Variants in ARHGEF11 observed in about 807,000 individuals in gnomAD.
ARHGEF11 encodes Rho guanine nucleotide exchange factor 11.
Under a neutral mutation model 193.7 loss-of-function variants are expected in ARHGEF11, and 55 were observed. That is an observed-to-expected ratio of 0.28 (90% confidence interval 0.23 to 0.36). The LOEUF is 0.36. Among genes scored for constraint, ARHGEF11 ranks in the 10% least tolerant of loss-of-function variants. The pLI is 1.00. For synonymous variants in ARHGEF11, 693 were observed against 768.0 expected (o/e 0.90, Z 1.62); for missense variants, 1,723 against 2,005.6 (o/e 0.86, Z 2.69).
Position 156,957,887 on chromosome 1 carries a change from G to A in ARHGEF11, c.1503-72C>T, listed in dbSNP as rs766639709. 2.7e-6 allele frequency: 4 copies of A among 1,508,620 alleles called. No individual in the cohort carries two copies. In the Admixed American group the frequency reaches 5.0e-5, roughly 19 times the overall value. 93.5% of individuals were successfully genotyped at this position (1,508,620 alleles called of 1,614,324 possible). On this transcript the variant is annotated intron_variant, in intron 17 of 40. Coordinates refer to ENST00000368194, the MANE Select transcript of ARHGEF11 (RefSeq NM_198236.3). ...CTGGTCACCTGGTTAGAGGCTAGGA[G>A]GAGGGTAAGTTTTTCCTAGATGAAA...
At chr1:156,945,387 G>C (rs929357199) in intron 29 of ARHGEF11, 190 bp from the exon 30 acceptor site, 1 of 597,648 alleles carries the variant, frequency 1.7e-6, no homozygotes, top group Non-Finnish European at 2.9e-6. Flanking sequence ...AGCATCTTCA[G>C]GTCTCAGACA....
At chr1:157,038,718 A>G (rs146632175) in intron 1 of ARHGEF11, among the ~76,000 whole-genome samples, 1,943 of 152,274 alleles carry the variant, frequency 0.013, 38 homozygotes, top group African/African-American at 0.044. Flanking sequence ...AAATTGGGGT[A>G]TTCTTCCAGA....
chr1:157,037,024 A>G (rs1033207472), intron 1 of ARHGEF11, among the ~76,000 whole-genome samples: 4 of 152,138 alleles, frequency 2.6e-5, no homozygotes, highest in Non-Finnish European at 4.4e-5. Flanking sequence ...GCTACTCAGG[A>G]GGCTGAGGCA....
At chr1:156,971,164 G>A (rs1266671678) in intron 8 of ARHGEF11, among the ~76,000 whole-genome samples, 1 of 152,224 alleles carries the variant, frequency 6.6e-6, no homozygotes, top group Non-Finnish European at 1.5e-5. Flanking sequence ...GAAGAGAATA[G>A]ATAAAGAATC....
Position 156,959,065 on chromosome 1 carries a change from C to T in ARHGEF11, c.1360G>A (p.Glu454Lys), listed in dbSNP as rs1362978048. 1 of 1,614,106 alleles carries T rather than the reference C, an allele frequency of 6.2e-7. No individual in the cohort carries two copies. Among genetic ancestry groups the T allele is most frequent in the African/African-American group, 1.3e-5 (1 of 74,934 alleles). ...AQEAAMPEIQ[E>K]QIHDYRTKRT... ...GCCAACCTGTAGTCGTGGATCTGCT[C>T]TTGGATCTCAGGCATGGCTGCCTCT... is the stretch of plus-strand genomic sequence containing the variant. Residue 454 changes from glutamate (E) to lysine (K), a missense_variant, in exon 16 of 41, where the codon GAG becomes AAG. Around this residue, in one of 5 missense-constraint regions of ARHGEF11, gnomAD observed 646 missense variants for 710.7 expected, o/e 0.91. Coordinates refer to ENST00000368194, the MANE Select transcript of ARHGEF11 (RefSeq NM_198236.3).
At chr1:156,967,345 C>T (rs538860856) in intron 11 of ARHGEF11, among the ~76,000 whole-genome samples, 4 of 152,324 alleles carry the variant, frequency 2.6e-5, no homozygotes, top group African/African-American at 9.6e-5. Context: ...TGAAAAACAA[C>T]AGGCAATTCT....
chr1:156,982,157 T>C (rs1664273150), intron 3 of ARHGEF11, among the ~76,000 whole-genome samples: 1 of 152,084 alleles, frequency 6.6e-6, no homozygotes, highest in Non-Finnish European at 1.5e-5. Flanking sequence ...TGCCTGAATG[T>C]ATGAAACACG....
chr1:157,015,293 T>G (rs1669073669), intron 1 of ARHGEF11, among the ~76,000 whole-genome samples: 1 of 152,186 alleles, frequency 6.6e-6, no homozygotes, highest in African/African-American at 2.4e-5. Flanking sequence ...TTACCAGCTG[T>G]GTGATTTGGG....
intron 1 of ARHGEF11, among the ~76,000 whole-genome samples, chr1:157,021,139 G>A (rs1669926543): frequency 6.6e-6 from 1 of 152,256 alleles, no homozygotes; most frequent in Non-Finnish European, 1.5e-5. Flanking sequence ...AGATGGGAAA[G>A]AGAGTGATGT....
Position 156,937,251 on chromosome 1 carries a change from T to G in ARHGEF11, c.4438A>C (p.Lys1480Gln). 1 of 1,613,710 alleles carries G rather than the reference T, an allele frequency of 6.2e-7. No homozygotes were observed. Residue 1480 changes from lysine to glutamine, a missense_variant and splice_region_variant, in exon 39 of 41, where the codon AAG becomes CAG. Physicochemically the swap from Lys to Gln is moderately conservative, Grantham distance 53. Around this residue, in one of 5 missense-constraint regions of ARHGEF11, gnomAD observed 360 missense variants for 344.4 expected, o/e 1.05. Coordinates refer to ENST00000368194, the MANE Select transcript of ARHGEF11 (RefSeq NM_198236.3). The stretch of plus-strand genomic sequence containing the variant: ...GACCCAAGCCCTGCTTCCCTCACCT[T>G]GAGCCTGTTGAGCTTGAGAGTGAGC... The part of the protein sequence containing the change: ...EQLTLKLNRL[K>Q]DMELAHRELL...
chr1:156,994,326 C>T (rs937532156), intron 1 of ARHGEF11, among the ~76,000 whole-genome samples: 1 of 149,646 alleles, frequency 6.7e-6, no homozygotes, highest in African/African-American at 2.5e-5. Flanking sequence ...GATGTGAGGG[C>T]AAAAAAGATA....
At chr1:157,002,892 GTTAC>G (rs1245709583) in intron 1 of ARHGEF11, among the ~76,000 whole-genome samples, 1 of 152,220 alleles carries the variant, frequency 6.6e-6, no homozygotes, top group African/African-American at 2.4e-5. Context: ...CTTTAGGCAA[GTTAC>G]TTAATCTCTT....
chr1:157,040,881 T>C (rs1672654191), intron 1 of ARHGEF11, among the ~76,000 whole-genome samples: 1 of 152,214 alleles, frequency 6.6e-6, no homozygotes, highest in South Asian at 2.1e-4. Context: ...AAACAAACAT[T>C]ATAATCCTCA....
At position 156,945,057 on chromosome 1, in the gene ARHGEF11, G is replaced by A. The variant is rs1369278302; in HGVS notation, c.2953C>T (p.Leu985=). Residue 985 remains leucine, a synonymous_variant, in exon 30 of 41, where the codon CTG becomes TTG. Coordinates refer to ENST00000368194, the MANE Select transcript of ARHGEF11 (RefSeq NM_198236.3). ...GYQKRLDATA[L]ERASNPLAAE... ...GCCAGGGGGTTGCTGGCCCTCTCCA[G>A]GGCGGTGGCATCCAGGCGTTTCTGG... is the stretch of plus-strand genomic sequence containing the variant. 6.2e-7 allele frequency: 1 copy of A among 1,614,048 alleles called. No individual in the cohort carries two copies. The highest frequency in any genetic ancestry group is 1.3e-5 in the African/African-American group (1 of 74,940).
chr1:157,002,584 C>T (rs1667340838), intron 1 of ARHGEF11, among the ~76,000 whole-genome samples: 1 of 152,140 alleles, frequency 6.6e-6, no homozygotes, highest in African/African-American at 2.4e-5. Context: ...TGCTATTTGG[C>T]ACTTGTTATC....
intron 1 of ARHGEF11, among the ~76,000 whole-genome samples, chr1:157,030,798 C>T (rs543270133): frequency 3.5e-4 from 53 of 152,086 alleles, no homozygotes; most frequent in Admixed American, 9.8e-4. Flanking sequence ...AAATCCTTGC[C>T]CTGGACCACC....
At chr1:157,009,636 T>A (rs753599327) in intron 1 of ARHGEF11, among the ~76,000 whole-genome samples, 2 of 152,196 alleles carry the variant, frequency 1.3e-5, no homozygotes, top group African/African-American at 4.8e-5. Context: ...TTATTTCTCC[T>A]GGATTCTAAA....
At chr1:156,970,418 G>A (rs1206593384) in intron 8 of ARHGEF11, among the ~76,000 whole-genome samples, 1 of 152,256 alleles carries the variant, frequency 6.6e-6, no homozygotes, top group Non-Finnish European at 1.5e-5. Context: ...GATCTTTGAG[G>A]AGGATGGACA....
intron 20 of ARHGEF11, 27 bp downstream of exon 20, chr1:156,955,676 C>T: frequency 6.3e-7 from 1 of 1,576,702 alleles, no homozygotes; most frequent in South Asian, 1.1e-5. Flanking sequence ...AAGGAATGCC[C>T]AAGGCTGTTG....
Sources: allele counts gnomAD v4.1 joint callset (sites outside exome capture counted in the v4.1 genomes callset), GRCh38; gene constraint gnomAD v4.1.1; regional missense constraint gnomAD v4.1.1; transcripts MANE v1.5; gene names NCBI Gene and HGNC (gene_info 2026-07-23, HGNC 2026-07-21).